The following SPPL3 variants were observed in gnomAD, a reference collection of about 807,000 sequenced individuals.
The protein encoded by SPPL3 is signal peptide peptidase-like 3.
SPPL3 carries 5 observed loss-of-function variants against 42.4 expected under a neutral mutation model. That is an observed-to-expected ratio of 0.12 (90% CI 0.06 to 0.25). The LOEUF is 0.25. Ranked by LOEUF, SPPL3 falls within the 10% of genes least tolerant of loss-of-function variation. The probability of loss-of-function intolerance (pLI) is 1.00; values close to 1 mark genes in which losing one functional copy is unlikely to be tolerated. For synonymous variants in SPPL3, 195 were observed against 181.8 expected (o/e 1.07, Z -0.58); for missense variants, 235 against 489.0 (o/e 0.48, Z 4.90).
chr12:120,819,425 G>A (rs1870981070), intron 1 of SPPL3, among the ~76,000 whole-genome samples: 1 of 152,086 alleles, frequency 6.6e-6, no homozygotes, highest in African/African-American at 2.4e-5. Context: ...CATTCTTGGG[G>A]CTTATGGTAG....
chr12:120,899,328 G>A (rs1873902078), intron 1 of SPPL3, among the ~76,000 whole-genome samples: 1 of 152,018 alleles, frequency 6.6e-6, no homozygotes, highest in African/African-American at 2.4e-5. Context: ...TAAGTACTTG[G>A]GTTATAAACA....
chr12:120,765,999 A>G (rs1417275383), intron 10 of SPPL3, among the ~76,000 whole-genome samples: 1 of 152,094 alleles, frequency 6.6e-6, no homozygotes, highest in East Asian at 1.9e-4. Flanking sequence ...TCAATTAGTT[A>G]TTCCTCGACC....
intron 2 of SPPL3, among the ~76,000 whole-genome samples, chr12:120,806,790 C>A (rs183763557): frequency 5.3e-4 from 80 of 150,806 alleles, no homozygotes; most frequent in African/African-American, 1.8e-3. Context: ...GAGCTTGCAG[C>A]GAGCTGAGAT....
chr12:120,823,517 C>T (rs1871137594), intron 1 of SPPL3, among the ~76,000 whole-genome samples: 1 of 152,140 alleles, frequency 6.6e-6, no homozygotes, highest in Non-Finnish European at 1.5e-5. Context: ...AATTTTATCC[C>T]AGCTCCCACG....
chr12:120,865,683 C>A (rs1872735613), intron 1 of SPPL3, among the ~76,000 whole-genome samples: 1 of 152,208 alleles, frequency 6.6e-6, no homozygotes, highest in Non-Finnish European at 1.5e-5. Flanking sequence ...CAAGACTAGG[C>A]AGGATCCCCA....
rs150498772 is a variant in SPPL3 at position 120,775,632 on chromosome 12, C to A, written c.503-6573G>T. Among the ~76,000 whole-genome samples, 639 of 152,282 alleles carry A rather than the reference C, an allele frequency of 4.2e-3. 3 individuals carry two copies. Among genetic ancestry groups the A allele is most frequent in the African/African-American group, 0.015 (610 of 41,544 alleles). Reference sequence around the variant, plus strand: ...TAAACCAGGTTCTATGATCCTTGATCACTAGGGGTGTGTACTCAATATTCA... The same window carrying A: ...TAAACCAGGTTCTATGATCCTTGATAACTAGGGGTGTGTACTCAATATTCA... On this transcript the variant is annotated intron_variant, in intron 6 of 10. Transcript: ENST00000353487.
chr12:120,888,229 C>G (rs1200674012), intron 1 of SPPL3, among the ~76,000 whole-genome samples: 1 of 152,092 alleles, frequency 6.6e-6, no homozygotes, highest in Non-Finnish European at 1.5e-5. Flanking sequence ...GCGTCCACCA[C>G]CACGCCCAGC....
chr12:120,765,462 GTT>G (rs1358801020), intron 10 of SPPL3, among the ~76,000 whole-genome samples: 1 of 150,842 alleles, frequency 6.6e-6, no homozygotes, highest in Non-Finnish European at 1.5e-5. Context: ...TCATTTTTGT[GTT>G]TTTAGTAGAG....
intron 6 of SPPL3, among the ~76,000 whole-genome samples, chr12:120,774,493 T>C (rs1195080172): frequency 6.6e-6 from 1 of 152,162 alleles, no homozygotes; most frequent in Non-Finnish European, 1.5e-5. Context: ...CCTCAGCCTA[T>C]CCCTTCTCTC....
At chr12:120,782,450 T>C (rs1419706244) in intron 6 of SPPL3, among the ~76,000 whole-genome samples, 3 of 151,704 alleles carry the variant, frequency 2.0e-5, no homozygotes, top group East Asian at 3.9e-4. Context: ...GAGAAATCCA[T>C]AGAAACAGAA....
chr12:120,818,366 A>G (rs183669074), intron 1 of SPPL3, among the ~76,000 whole-genome samples: 85 of 152,350 alleles, frequency 5.6e-4, no homozygotes, highest in Admixed American at 1.7e-3. Context: ...CTAATTCTTT[A>G]ACTACATTCC....
intron 6 of SPPL3, among the ~76,000 whole-genome samples, chr12:120,770,533 T>C (rs1451638182): frequency 6.6e-6 from 1 of 152,168 alleles, no homozygotes; most frequent in Non-Finnish European, 1.5e-5. Flanking sequence ...GATCCCCTCA[T>C]TGCTAGACAC....
rs536724466 is a variant in SPPL3, at chr12:120,843,424, G to A, written c.24-32538C>T. Among the ~76,000 whole-genome samples the A allele has an allele frequency of 1.2e-3, 183 of 152,224 alleles. 1 individual carries two copies. Among genetic ancestry groups the A allele is most frequent in the African/African-American group, 4.3e-3 (177 of 41,526 alleles). ...ACTGATGCTCAAAGCCAATATTCCT[G>A]CTGTTATTCAACTTAACCTCTCTGT... On this transcript the variant is annotated intron_variant, in intron 1 of 10. Coordinates refer to ENST00000353487, the MANE Select transcript of SPPL3 (RefSeq NM_139015.5).
At chr12:120,883,106 C>A (rs1873343612) in intron 1 of SPPL3, among the ~76,000 whole-genome samples, 1 of 151,364 alleles carries the variant, frequency 6.6e-6, no homozygotes, top group Non-Finnish European at 1.5e-5. Context: ...AGATCAAGAC[C>A]ATCCTGGCTA....
At chr12:120,875,502 G>A (rs770613614) in intron 1 of SPPL3, among the ~76,000 whole-genome samples, 6 of 151,752 alleles carry the variant, frequency 4.0e-5, no homozygotes, top group African/African-American at 9.7e-5. Context: ...GGTGGCGGAC[G>A]CCCGTAATCC....
intron 1 of SPPL3, among the ~76,000 whole-genome samples, chr12:120,837,608 C>T (rs1053050598): frequency 6.6e-6 from 1 of 152,080 alleles, no homozygotes; most frequent in African/African-American, 2.4e-5. Flanking sequence ...CATTTATTAT[C>T]AGAAGGGAAT....
intron 1 of SPPL3, among the ~76,000 whole-genome samples, chr12:120,863,387 T>C (rs556020732): frequency 7.5e-4 from 114 of 152,286 alleles, no homozygotes; most frequent in African/African-American, 2.6e-3. Flanking sequence ...AAATAACTCT[T>C]TTGAAAGTAA....
At chr12:120,802,523 C>A (rs1267135647) in intron 2 of SPPL3, among the ~76,000 whole-genome samples, 1 of 150,514 alleles carries the variant, frequency 6.6e-6, no homozygotes, top group Non-Finnish European at 1.5e-5. Context: ...CAACCTCTGC[C>A]TCCCAGTTCA....
intron 2 of SPPL3, among the ~76,000 whole-genome samples, chr12:120,793,953 T>C (rs1008777016): frequency 6.6e-6 from 1 of 152,248 alleles, no homozygotes; most frequent in African/African-American, 2.4e-5. Flanking sequence ...CCACTGTATC[T>C]TCACTGATTT....
Sources: allele counts gnomAD v4.1 joint callset (sites outside exome capture counted in the v4.1 genomes callset), GRCh38; gene constraint gnomAD v4.1.1; transcripts MANE v1.5; gene names NCBI Gene and HGNC (gene_info 2026-07-23, HGNC 2026-07-21).